Variants in JMJD1C observed in about 807,000 individuals in gnomAD.
The protein encoded by JMJD1C is jumonji domain containing 1C.
JMJD1C carries 31 observed loss-of-function variants against 245.3 expected under a neutral mutation model. That is an observed-to-expected ratio of 0.13 (90% CI 0.09 to 0.17). The LOEUF (loss-of-function observed/expected upper bound fraction) is 0.17. Ranked by LOEUF, JMJD1C falls within the 10% of genes least tolerant of loss-of-function variation. JMJD1C has a pLI of 1.00. For synonymous variants in JMJD1C, 1,057 were observed against 1,017.4 expected (o/e 1.04, Z -0.74); for missense variants, 2,691 against 3,000.2 (o/e 0.90, Z 2.41).
At chr10:63,383,915 T>G (rs1220279710) in intron 1 of JMJD1C, among the ~76,000 whole-genome samples, 1 of 152,142 alleles carries the variant, frequency 6.6e-6, no homozygotes, top group Non-Finnish European at 1.5e-5. Flanking sequence ...AACAAAAGTT[T>G]GTCACATCTA....
intron 1 of JMJD1C, among the ~76,000 whole-genome samples, chr10:63,412,468 G>A (rs1313044280): frequency 6.6e-6 from 1 of 152,168 alleles, no homozygotes; most frequent in East Asian, 1.9e-4. Flanking sequence ...TTAGTGGAGA[G>A]GTCAACTACT....
At chr10:63,484,029 G>C (rs1310346347) in intron 1 of JMJD1C, among the ~76,000 whole-genome samples, 2 of 152,050 alleles carry the variant, frequency 1.3e-5, no homozygotes, top group East Asian at 3.9e-4. Flanking sequence ...TTTCAGGTGA[G>C]GAAACTGAAG....
rs1847816998 is a variant in JMJD1C, at chr10:63,215,035, T to C, written c.1132A>G (p.Ser378Gly). 1 of 1,604,506 alleles carries C rather than the reference T, an allele frequency of 6.2e-7. No individual in the cohort carries two copies. Among genetic ancestry groups the C allele is most frequent in the Non-Finnish European group, 8.5e-7 (1 of 1,174,128 alleles). The change falls in exon 8 of 26, where the codon AGC becomes GGC. Residue 378 changes from serine to glycine, a missense_variant. Physicochemically the swap from Ser to Gly is moderately conservative, Grantham distance 56. This residue lies in a region of JMJD1C where 1,562 missense variants were observed against 1,490.7 expected (regional missense o/e 1.05). Coordinates refer to ENST00000399262, the MANE Select transcript of JMJD1C (RefSeq NM_032776.3). ...TTATTTGAATTTTCTGAGTCACTGC[T>C]CTCAGAAAAGTCTGAAACATTGTCA... ...RTDNVSDFSE[S>G]SDSENSNKRI...
chr10:63,443,047 A>G (rs1016482111), intron 1 of JMJD1C, among the ~76,000 whole-genome samples: 3 of 152,206 alleles, frequency 2.0e-5, no homozygotes, highest in Non-Finnish European at 2.9e-5. Context: ...CCTCTGATTG[A>G]TCAACTGACC....
intron 11 of JMJD1C, among the ~76,000 whole-genome samples, chr10:63,199,322 T>C (rs574569461): frequency 7.1e-4 from 108 of 152,278 alleles, no homozygotes; most frequent in Middle Eastern, 3.4e-3. Flanking sequence ...GAAGGCAAAA[T>C]TGCCATTCTC....
At chr10:63,216,675 A>G (rs1848021717) in intron 5 of JMJD1C, among the ~76,000 whole-genome samples, 1 of 152,132 alleles carries the variant, frequency 6.6e-6, no homozygotes, top group African/African-American at 2.4e-5. Context: ...ATGCCACTGC[A>G]CTCCAGCCTG....
chr10:63,295,809 C>A (rs1015234916), intron 2 of JMJD1C, among the ~76,000 whole-genome samples: 2 of 151,442 alleles, frequency 1.3e-5, no homozygotes, highest in African/African-American at 4.9e-5. Flanking sequence ...CCAATGAGCC[C>A]CTTGTCACAT....
chr10:63,239,421 G>C (rs559202696), intron 3 of JMJD1C, among the ~76,000 whole-genome samples: 1 of 152,230 alleles, frequency 6.6e-6, no homozygotes, highest in Non-Finnish European at 1.5e-5. Flanking sequence ...GTAAGGGCAA[G>C]AGAGAGACCT....
chr10:63,479,574 A>C (rs934356745), intron 1 of JMJD1C, among the ~76,000 whole-genome samples: 1 of 152,184 alleles, frequency 6.6e-6, no homozygotes, highest in Non-Finnish European at 1.5e-5. Flanking sequence ...AATCTCATTT[A>C]ATCTCATTTA....
At chr10:63,441,988 T>A (rs995048058) in intron 1 of JMJD1C, among the ~76,000 whole-genome samples, 2 of 152,224 alleles carry the variant, frequency 1.3e-5, no homozygotes, top group African/African-American at 4.8e-5. Context: ...ATAGCACCTG[T>A]TATTTGTAAA....
chr10:63,370,145 C>G (rs1564842572), intron 2 of JMJD1C, among the ~76,000 whole-genome samples: 1 of 152,124 alleles, frequency 6.6e-6, no homozygotes, highest in Non-Finnish European at 1.5e-5. Flanking sequence ...TGGACTCTAC[C>G]CTAAACATCT....
chr10:63,346,925 T>C (rs756206107), intron 2 of JMJD1C, among the ~76,000 whole-genome samples: 2 of 152,078 alleles, frequency 1.3e-5, no homozygotes, highest in African/African-American at 4.8e-5. Context: ...AAAGTGAAAG[T>C]CCTAAAATTT....
chr10:63,450,186 A>G (rs566105543), intron 1 of JMJD1C, among the ~76,000 whole-genome samples: 5 of 152,306 alleles, frequency 3.3e-5, no homozygotes, highest in East Asian at 1.9e-4. Flanking sequence ...AAAGGCAAAG[A>G]AACAATGAAA....
chr10:63,263,315 GT>G (rs1202828801), intron 3 of JMJD1C, among the ~76,000 whole-genome samples: 1 of 152,142 alleles, frequency 6.6e-6, no homozygotes, highest in Non-Finnish European at 1.5e-5. Flanking sequence ...ATGAAATAAT[GT>G]TTACACTAAA....
At chr10:63,183,188 T>A (rs2132881493) in intron 22 of JMJD1C, among the ~76,000 whole-genome samples, 1 of 152,338 alleles carries the variant, frequency 6.6e-6, no homozygotes, top group South Asian at 2.1e-4. Flanking sequence ...GTGCGCTTAA[T>A]GGTGTATTTT....
chr10:63,451,908 C>G lies in JMJD1C; in HGVS notation c.168+13587G>C, dbSNP rs1403515065. The stretch of plus-strand genomic sequence containing the variant: ...ACAGATGTAAGAAAATAAAGCTGGA[C>G]CCTTATTTTACACCATACACAAAAG... On this transcript the variant is annotated intron_variant, in intron 1 of 25. Coordinates refer to ENST00000399262, the MANE Select transcript of JMJD1C (RefSeq NM_032776.3). Among the ~76,000 whole-genome samples the G allele has an allele frequency of 2.0e-5, 3 of 152,066 alleles. No individual in the cohort carries two copies. In the South Asian group the frequency reaches 6.2e-4, roughly 32 times the overall value.
intron 18 of JMJD1C, among the ~76,000 whole-genome samples, chr10:63,187,246 T>C (rs920797488): frequency 2.0e-5 from 3 of 152,160 alleles, no homozygotes; most frequent in Non-Finnish European, 2.9e-5. Flanking sequence ...ACTTTAAAAA[T>C]AGGTCCAGGT....
At chr10:63,330,689 G>A (rs1942047997) in intron 2 of JMJD1C, among the ~76,000 whole-genome samples, 1 of 151,868 alleles carries the variant, frequency 6.6e-6, no homozygotes, top group African/African-American at 2.4e-5. Context: ...CATTTGTTCT[G>A]AAGATACTTC....
At chr10:63,491,982 T>C (rs1173012370) in intron 1 of JMJD1C, among the ~76,000 whole-genome samples, 1 of 152,236 alleles carries the variant, frequency 6.6e-6, no homozygotes, top group Non-Finnish European at 1.5e-5. Flanking sequence ...AGAAATTCCT[T>C]TTCCTTACAG....
Sources: gnomAD v4.1 joint callset for allele counts (sites outside exome capture counted in the v4.1 genomes callset) on GRCh38, gnomAD v4.1.1 for gene constraint, gnomAD v4.1.1 regional missense constraint, MANE v1.5 for transcripts, NCBI Gene and HGNC (gene_info 2026-07-23, HGNC 2026-07-21) for gene names.